Variants in MSX1 observed in about 807,000 individuals in gnomAD.
MSX1 encodes the protein homeobox protein MSX-1.
Under a neutral mutation model 17.0 loss-of-function variants are expected in MSX1, and 11 were observed. The observed-to-expected ratio is 0.65, with a 90% CI of 0.41 to 1.07. MSX1 has a LOEUF of 1.07. Among genes scored for constraint, MSX1 ranks in the 50% least tolerant of loss-of-function variants. The pLI is 0.00. For missense variants in MSX1, 477 were observed against 440.1 expected, an observed-to-expected ratio of 1.08 and a Z score of -0.75; for synonymous variants, 253 against 211.8, an observed-to-expected ratio of 1.19 and a Z score of -1.69.
At chr4:4,861,944 G>T (rs1379751265) in intron 1 of MSX1, among the ~76,000 whole-genome samples, 1 of 152,138 alleles carries the variant, frequency 6.6e-6, no homozygotes, top group Non-Finnish European at 1.5e-5. Flanking sequence ...GGGCCAGAGG[G>T]CCCTGGCGCC....
intron 1 of MSX1, among the ~76,000 whole-genome samples, chr4:4,860,661 C>A (rs1021765982): frequency 6.6e-6 from 1 of 152,220 alleles, no homozygotes; most frequent in Non-Finnish European, 1.5e-5. Flanking sequence ...GGTCCATGAT[C>A]CCTCATCTGA....
chr4:4,862,658 C>T (rs995731622), intron 1 of MSX1, 43 bp from the exon 2 acceptor site: 1 of 1,599,164 alleles, frequency 6.3e-7, no homozygotes, highest in Non-Finnish European at 8.5e-7. Context: ...TGCTCCAATG[C>T]TTCTCTCTTA....
chr4:4,862,954 C>T lies in MSX1; in HGVS notation c.723C>T (p.Ala241=). The T allele has an allele frequency of 1.2e-6, 2 of 1,613,230 alleles. No homozygotes were observed. The highest frequency in any genetic ancestry group is 1.7e-6 in the Non-Finnish European group (2 of 1,180,010). The change falls in exon 2 of 2, where the codon GCC becomes GCT. Residue 241 remains alanine, a synonymous_variant. Coordinates refer to ENST00000382723, the MANE Select transcript of MSX1 (RefSeq NM_002448.3). Reference sequence around the variant, plus strand: ...CAGAGCTGGAGAAGCTGAAGATGGCCGCCAAGCCCATGCTGCCACCGGCTG... The same window carrying T: ...CAGAGCTGGAGAAGCTGAAGATGGCTGCCAAGCCCATGCTGCCACCGGCTG... ...QEAELEKLKM[A]AKPMLPPAAF...
rs33949394 is a variant in MSX1 at position 4,863,552 on chromosome 4, C to CAAAAAAAAAAAAAAAAAAA, written c.*427_*445dup. On this transcript the variant is annotated 3_prime_UTR_variant, in exon 2 of 2. Coordinates refer to ENST00000382723, the MANE Select transcript of MSX1 (RefSeq NM_002448.3). Reference sequence around the variant, plus strand: ...ACGATTTTGGAAATGAGAACAATCTCAAAAAAAAAAAAAAAAAAAAAAAAA... The same window carrying CAAAAAAAAAAAAAAAAAAA: ...ACGATTTTGGAAATGAGAACAATCTCAAAAAAAAAAAAAAAAAAAAAAAAAAAAAAAAAAAAAAAAAAAA... 25 of 42,114 alleles carry CAAAAAAAAAAAAAAAAAAA rather than the reference C, an allele frequency of 5.9e-4. 4 individuals carry two copies. The highest frequency in any genetic ancestry group is 1.2e-3 in the East Asian group (1 of 846). The allele number at this position is 42,114 out of a possible 1,614,324, so 2.6% of individuals were successfully genotyped here.
chr4:4,863,340 TACTC>T lies in MSX1; in HGVS notation c.*198_*201del. The T allele has an allele frequency of 2.7e-6, 1 of 374,822 alleles. No individual in the cohort carries two copies. The highest frequency in any genetic ancestry group is 4.6e-6 in the Non-Finnish European group (1 of 218,676). 23.2% of individuals were successfully genotyped at this position (374,822 alleles called of 1,614,324 possible). On this transcript the variant is annotated 3_prime_UTR_variant, in exon 2 of 2. Coordinates refer to ENST00000382723, the MANE Select transcript of MSX1 (RefSeq NM_002448.3). ...AAAAGTGGCTGGAAGAGTCCCTTAG[TACTC>T]TTCTAGCATTTAGATCTACACTCTC...
At chr4:4,861,560 T>G (rs940285525) in intron 1 of MSX1, among the ~76,000 whole-genome samples, 1 of 152,392 alleles carries the variant, frequency 6.6e-6, no homozygotes, top group East Asian at 1.9e-4. Context: ...ACCCGCGTGG[T>G]GAAACATCTT....
chr4:4,863,118 G>C lies in MSX1; in HGVS notation c.887G>C (p.Gly296Ala). Reference sequence around the variant, plus strand: ...GTGGGACTCTACACGGCCCATGTGGGCTACAGCATGTACCACCTGACATAG... The same window carrying C: ...GTGGGACTCTACACGGCCCATGTGGCCTACAGCATGTACCACCTGACATAG... ...APVGLYTAHV[G>A]YSMYHLT The change falls in exon 2 of 2, where the codon GGC (glycine) becomes GCC (alanine). Residue 296 changes from glycine to alanine, a missense_variant. Gly to Ala is a moderately conservative substitution (Grantham distance 60). Around this residue, in one of 3 missense-constraint regions of MSX1, gnomAD observed 114 missense variants for 106.3 expected, o/e 1.07. Transcript: ENST00000382723. The C allele has an allele frequency of 6.2e-7, 1 of 1,607,830 alleles. No individual in the cohort carries two copies. The highest frequency in any genetic ancestry group is 1.8e-4 in the Middle Eastern group (1 of 5,650).
chr4:4,863,896 T>C lies in MSX1; in HGVS notation c.*753T>C. On this transcript the variant is annotated 3_prime_UTR_variant, in exon 2 of 2. Coordinates refer to ENST00000382723, the MANE Select transcript of MSX1 (RefSeq NM_002448.3). ...TGAAATTTTATTATCATTTATATTA[T>C]AGCTATATTTGTTAAATAAATTAAT... is the stretch of plus-strand genomic sequence containing the variant. The C allele has an allele frequency of 6.6e-6, 1 of 152,652 alleles. No individual in the cohort carries two copies. The highest frequency in any genetic ancestry group is 1.9e-4 in the East Asian group (1 of 5,204). The allele number at this position is 152,652 out of a possible 1,614,324, so 9.5% of individuals were successfully genotyped here.
chr4:4,859,851 T>A lies in MSX1; in HGVS notation c.-49T>A. The A allele has an allele frequency of 7.1e-7, 1 of 1,416,294 alleles. No homozygotes were observed. Among genetic ancestry groups the A allele is most frequent in the Non-Finnish European group, 9.2e-7 (1 of 1,081,132 alleles). The allele number at this position is 1,416,294 out of a possible 1,614,324, so 87.7% of individuals were successfully genotyped here. A position where few individuals can be genotyped will look rare whatever the true frequency, so the allele number is the denominator to read the frequency against. ...GCGCTCCCAGCCCGCCCGGAGCCCA[T>A]GCCCGGCGGCTGGCCAGTGCTGCGG... On this transcript the variant is annotated 5_prime_UTR_variant, in exon 1 of 2. An upstream start codon of the reference 5' UTR is lost. Transcript: ENST00000382723.
intron 1 of MSX1, 50 bp downstream of exon 1, chr4:4,860,418 G>A (rs891540139): frequency 3.9e-6 from 6 of 1,546,158 alleles, no homozygotes; most frequent in African/African-American, 2.8e-5. Context: ...GTGGGGGCCG[G>A]GTGGGGTGTG....
At position 4,863,249 on chromosome 4, in the gene MSX1, C is replaced by T. The variant is rs1737966552; in HGVS notation, c.*106C>T. ...CACCGCCAGCCGCCTTCCCTTTAAC[C>T]CTCACACTGCTCCAGTTTCACCTCT... On this transcript the variant is annotated 3_prime_UTR_variant, in exon 2 of 2. Coordinates refer to ENST00000382723, the MANE Select transcript of MSX1 (RefSeq NM_002448.3). 1.7e-6 allele frequency: 2 copies of T among 1,159,574 alleles called. No homozygotes were observed. The highest frequency in any genetic ancestry group is 1.4e-5 in the South Asian group (1 of 72,828). 71.8% of individuals were successfully genotyped at this position (1,159,574 alleles called of 1,614,324 possible).
Position 4,860,121 on chromosome 4 carries a change from G to A in MSX1, c.222G>A (p.Gly74=), listed in dbSNP as rs1312102525. 2.0e-6 allele frequency: 3 copies of A among 1,515,482 alleles called. No homozygotes were observed. Among genetic ancestry groups the A allele is most frequent in the Non-Finnish European group, 2.6e-6 (3 of 1,136,492 alleles). 93.9% of individuals were successfully genotyped at this position (1,515,482 alleles called of 1,614,324 possible). ...TCATGGCCGACCACAGGAAGCCGGG[G>A]GCCAAGGAGAGCGCCCTGGCGCCCT... is the stretch of plus-strand genomic sequence containing the variant. The part of the protein sequence containing the change: ...EALMADHRKP[G]AKESALAPSE... Residue 74 remains glycine (G), a synonymous_variant, in exon 1 of 2, where the codon GGG becomes GGA. Transcript: ENST00000382723.
At position 4,863,788 on chromosome 4, in the gene MSX1, CTTTCTA is replaced by C. The variant is rs1301766430; in HGVS notation, c.*649_*654del. ...GTAAAATTAAAAAAAAAAAAAAACT[CTTTCTA>C]TTTAACAGTACATTTGTGTGGCTCT... On this transcript the variant is annotated 3_prime_UTR_variant, in exon 2 of 2. Coordinates refer to ENST00000382723, the MANE Select transcript of MSX1 (RefSeq NM_002448.3). 3 of 147,634 alleles carry C rather than the reference CTTTCTA, an allele frequency of 2.0e-5. No individual in the cohort carries two copies. Among genetic ancestry groups the C allele is most frequent in the South Asian group, 2.2e-4 (1 of 4,648 alleles). The allele number at this position is 147,634 out of a possible 1,614,324, so 9.1% of individuals were successfully genotyped here.
In MSX1 at chr4:4,860,317, CCCGAGAGGA is replaced by C; in HGVS notation, c.421_429del (p.Glu141_Thr143del). ...CGTCAAAGCCGAGAGCCCCGAGAAGCCCGAGAGGACCCCGTGGATGCAGAGCCCCCGCTT... is the reference window on the plus strand; with the variant it reads ...CGTCAAAGCCGAGAGCCCCGAGAAGCCCCCGTGGATGCAGAGCCCCCGCTT... On this transcript the variant is annotated inframe_deletion, in exon 1 of 2. Transcript: ENST00000382723. 1 of 1,603,922 alleles carries C rather than the reference CCCGAGAGGA, an allele frequency of 6.2e-7. No individual in the cohort carries two copies. The highest frequency in any genetic ancestry group is 8.5e-7 in the Non-Finnish European group (1 of 1,179,668).
At position 4,862,719 on chromosome 4, in the gene MSX1, C is replaced by G. The variant is rs1737945911; in HGVS notation, c.488C>G (p.Ala163Gly). The G allele has an allele frequency of 1.2e-6, 2 of 1,613,088 alleles. No homozygotes were observed. The highest frequency in any genetic ancestry group is 1.7e-6 in the Non-Finnish European group (2 of 1,180,022). The change falls in exon 2 of 2, where the codon GCC becomes GGC. Residue 163 changes from alanine (A) to glycine (G), a missense_variant. Coordinates refer to ENST00000382723, the MANE Select transcript of MSX1 (RefSeq NM_002448.3). ...PPPARRLSPP[A>G]CTLRKHKTNR... is the part of the protein sequence containing the mutation. ...CCCTCAGGGCGGCTGAGCCCCCCAGCCTGCACCCTCCGCAAACACAAGACG... is the reference window on the plus strand; with the variant it reads ...CCCTCAGGGCGGCTGAGCCCCCCAGGCTGCACCCTCCGCAAACACAAGACG...
chr4:4,863,289 C>T lies in MSX1; in HGVS notation c.*146C>T. On this transcript the variant is annotated 3_prime_UTR_variant, in exon 2 of 2. Coordinates refer to ENST00000382723, the MANE Select transcript of MSX1 (RefSeq NM_002448.3). ...GTTTCACCTCTTTGCTCCCTGAGTT[C>T]ACTCTCCGAAGTCTGATCCCTGCCA... is the stretch of plus-strand genomic sequence containing the variant. The T allele has an allele frequency of 2.3e-6, 2 of 874,660 alleles. No individual in the cohort carries two copies. The highest frequency in any genetic ancestry group is 3.5e-6 in the Non-Finnish European group (2 of 566,026). 54.2% of individuals were successfully genotyped at this position (874,660 alleles called of 1,614,324 possible).
In MSX1 at chr4:4,863,552, C is replaced by CAAAAAAAAAAAAAAAAAAAAAAAAAAAA. The variant is rs33949394; in HGVS notation, c.*418_*445dup. On this transcript the variant is annotated 3_prime_UTR_variant, in exon 2 of 2. Transcript: ENST00000382723. The stretch of plus-strand genomic sequence containing the variant: ...ACGATTTTGGAAATGAGAACAATCT[C>CAAAAAAAAAAAAAAAAAAAAAAAAAAAA]AAAAAAAAAAAAAAAAAAAAAAAAA... The CAAAAAAAAAAAAAAAAAAAAAAAAAAAA allele has an allele frequency of 1.4e-4, 6 of 42,122 alleles. 1 individual carries two copies. Among genetic ancestry groups the CAAAAAAAAAAAAAAAAAAAAAAAAAAAA allele is most frequent in the Admixed American group, 3.4e-4 (1 of 2,934 alleles). 2.6% of individuals were successfully genotyped at this position (42,122 alleles called of 1,614,324 possible).
Position 4,863,371 on chromosome 4 carries a change from A to T in MSX1, c.*228A>T. Reference sequence around the variant, plus strand: ...TCTAGCATTTAGATCTACACTCTCGAGTTAAAGATGGGGAAACTGAGGGCA... The same window carrying T: ...TCTAGCATTTAGATCTACACTCTCGTGTTAAAGATGGGGAAACTGAGGGCA... On this transcript the variant is annotated 3_prime_UTR_variant, in exon 2 of 2. Coordinates refer to ENST00000382723, the MANE Select transcript of MSX1 (RefSeq NM_002448.3). 1 of 550,922 alleles carries T rather than the reference A, an allele frequency of 1.8e-6. No individual in the cohort carries two copies. Among genetic ancestry groups the T allele is most frequent in the Non-Finnish European group, 3.2e-6 (1 of 308,390 alleles). The allele number at this position is 550,922 out of a possible 1,614,324, so 34.1% of individuals were successfully genotyped here.
intron 1 of MSX1, among the ~76,000 whole-genome samples, chr4:4,860,842 C>T (rs561292343): frequency 1.3e-5 from 2 of 152,324 alleles, no homozygotes; most frequent in South Asian, 2.1e-4. Context: ...CAGAATTCTA[C>T]CTCCCCATGC....
Sources: allele counts gnomAD v4.1 joint callset (sites outside exome capture counted in the v4.1 genomes callset), GRCh38; gene constraint gnomAD v4.1.1; regional missense constraint gnomAD v4.1.1; transcripts MANE v1.5; gene names NCBI Gene and HGNC (gene_info 2026-07-23, HGNC 2026-07-21).